Variants in MMP26 observed in about 807,000 individuals in gnomAD.
MMP26 encodes the protein matrix metalloproteinase-26.
In MMP26, 33 loss-of-function variants were observed where a neutral mutation model predicts 31.0. The observed-to-expected ratio is 1.06, with a 90% CI of 0.81 to 1.42. MMP26 has a LOEUF of 1.42. Among genes scored for constraint, MMP26 ranks in the 40% most tolerant of loss-of-function variants. The pLI is 0.00. For synonymous variants in MMP26, 122 were observed against 114.9 expected, an observed-to-expected ratio of 1.06 and a Z score of -0.40; for missense variants, 347 against 316.1, an observed-to-expected ratio of 1.10 and a Z score of -0.74.
At chr11:4,722,470 CTTTTTTTTTTTTT>C (rs60627073) in intron 1 of MMP26, among the ~76,000 whole-genome samples, 1 of 63,994 alleles carries the variant, frequency 1.6e-5, no homozygotes, top group Non-Finnish European at 3.0e-5. Context: ...GAAGTAATTA[CTTTTTTTTTTTTT>C]TTTTTTTTTG....
At chr11:4,956,769 C>T (rs985748199) in intron 2 of MMP26, among the ~76,000 whole-genome samples, 2 of 152,166 alleles carry the variant, frequency 1.3e-5, no homozygotes, top group African/African-American at 4.8e-5. Context: ...TTCTCCCTTA[C>T]CAAATCTTCC....
intron 2 of MMP26, among the ~76,000 whole-genome samples, chr11:4,869,861 A>G (rs150596496): frequency 1.4e-3 from 219 of 152,300 alleles, no homozygotes; most frequent in Middle Eastern, 0.01. Context: ...AATGTGGCAC[A>G]TATATATACA....
At chr11:4,895,382 G>A (rs61880580) in intron 2 of MMP26, among the ~76,000 whole-genome samples, 2,083 of 152,224 alleles carry the variant, frequency 0.014, 30 homozygotes, top group Non-Finnish European at 0.02. Context: ...TCTGATTCCA[G>A]TCTAGTGGCT....
intron 1 of MMP26, among the ~76,000 whole-genome samples, chr11:4,730,793 C>T (rs183052162): frequency 1.1e-3 from 174 of 152,242 alleles, no homozygotes; most frequent in Admixed American, 2.4e-3. Flanking sequence ...GTAGACCCTA[C>T]AAAGATGCTG....
At chr11:4,990,767 G>A (rs776631363) in intron 5 of MMP26, 21 bp downstream of exon 5, 2 of 1,613,588 alleles carry the variant, frequency 1.2e-6, no homozygotes, top group East Asian at 2.2e-5. Context: ...GACATGGGAA[G>A]AAGGATATGT....
chr11:4,765,102 A>G (rs931255940), intron 1 of MMP26, among the ~76,000 whole-genome samples: 1 of 152,074 alleles, frequency 6.6e-6, no homozygotes, highest in Non-Finnish European at 1.5e-5. Context: ...AACAAATGTG[A>G]TGGTTATTAA....
intron 2 of MMP26, among the ~76,000 whole-genome samples, chr11:4,905,077 TA>T (rs1231859240): frequency 6.6e-6 from 1 of 151,900 alleles, no homozygotes; most frequent in East Asian, 1.9e-4. Flanking sequence ...AAGACGAAAA[TA>T]AAAAGGAATA....
At chr11:4,829,598 G>A (rs1294732198) in intron 2 of MMP26, among the ~76,000 whole-genome samples, 1 of 152,058 alleles carries the variant, frequency 6.6e-6, no homozygotes, top group Non-Finnish European at 1.5e-5. Flanking sequence ...CTGTGACCCT[G>A]GGCATTACTT....
At chr11:4,861,059 T>TTA (rs556563428) in intron 2 of MMP26, among the ~76,000 whole-genome samples, 1,528 of 92,238 alleles carry the variant, frequency 0.017, 9 homozygotes, top group Non-Finnish European at 0.022. Flanking sequence ...TATAAGGGTA[T>TTA]TATATATATA....
chr11:4,929,669 T>C (rs1316403603), intron 2 of MMP26, among the ~76,000 whole-genome samples: 2 of 152,130 alleles, frequency 1.3e-5, no homozygotes, highest in African/African-American at 2.4e-5. Context: ...TGTTGTGAGG[T>C]TGGCTCCAGT....
chr11:4,731,835 G>T (rs545418592), intron 1 of MMP26, among the ~76,000 whole-genome samples: 1 of 152,160 alleles, frequency 6.6e-6, no homozygotes, highest in African/African-American at 2.4e-5. Flanking sequence ...TGTAGGTATT[G>T]TGTCTATTCA....
chr11:4,861,103 A>G (rs1850149169), intron 2 of MMP26, among the ~76,000 whole-genome samples: 2 of 149,474 alleles, frequency 1.3e-5, no homozygotes, highest in South Asian at 2.1e-4. Context: ...TATATCATAT[A>G]TACTTCCATA....
intron 2 of MMP26, among the ~76,000 whole-genome samples, chr11:4,866,922 CA>C (rs1366102705): frequency 6.6e-6 from 1 of 152,056 alleles, no homozygotes; most frequent in African/African-American, 2.4e-5. Flanking sequence ...ACACCATACA[CA>C]AAAATCAACT....
intron 1 of MMP26, among the ~76,000 whole-genome samples, chr11:4,758,240 G>A (rs776739773): frequency 6.6e-6 from 1 of 152,042 alleles, no homozygotes; most frequent in Non-Finnish European, 1.5e-5. Context: ...AAAGAAGCCA[G>A]ATGCAGGATA....
intron 2 of MMP26, among the ~76,000 whole-genome samples, chr11:4,828,308 C>T (rs55782912): frequency 0.018 from 2,804 of 152,168 alleles, 31 homozygotes; most frequent in Non-Finnish European, 0.03. Flanking sequence ...TTTCTGAAAG[C>T]TTTTTATATT....
intron 1 of MMP26, among the ~76,000 whole-genome samples, chr11:4,742,686 A>G (rs1206280241): frequency 6.6e-6 from 1 of 152,140 alleles, no homozygotes; most frequent in African/African-American, 2.4e-5. Flanking sequence ...GAGGTGTTTG[A>G]TATTTAATAG....
At chr11:4,748,576 CAA>C (rs376553434) in intron 1 of MMP26, among the ~76,000 whole-genome samples, 1,623 of 122,654 alleles carry the variant, frequency 0.013, 34 homozygotes, top group African/African-American at 0.042. Context: ...AACAGCACAT[CAA>C]AAAAAAAAAA....
At chr11:4,803,358 T>C (rs1452963221) in intron 2 of MMP26, 4 of 1,023,214 alleles carry the variant, frequency 3.9e-6, no homozygotes, top group Non-Finnish European at 4.4e-6. Flanking sequence ...TAATAAGTAA[T>C]AGCCTGTCAA....
At chr11:4,908,796 A>C (rs1850946998) in intron 2 of MMP26, 2 of 162,902 alleles carry the variant, frequency 1.2e-5, no homozygotes, top group Non-Finnish European at 2.7e-5. Context: ...ACCTAAAAAA[A>C]GCTTTGAAAA....
Sources: allele counts gnomAD v4.1 joint callset (sites outside exome capture counted in the v4.1 genomes callset), GRCh38; gene constraint gnomAD v4.1.1; transcripts MANE v1.5; gene names NCBI Gene and HGNC (gene_info 2026-07-23, HGNC 2026-07-21).